ABLIM2: variants seen among roughly 807,000 people sequenced by gnomAD.
ABLIM2 encodes the protein actin-binding LIM protein 2.
In ABLIM2, 53 loss-of-function variants were observed where a neutral mutation model predicts 97.7. The observed-to-expected ratio is 0.54, with a 90% CI of 0.44 to 0.68. The LOEUF (loss-of-function observed/expected upper bound fraction) is 0.68, where lower values mean the gene tolerates loss of function less well. Among genes scored for constraint, ABLIM2 ranks in the 30% least tolerant of loss-of-function variants. ABLIM2 has a pLI of 0.00. For missense variants in ABLIM2, 835 were observed against 867.2 expected (o/e 0.96, Z 0.47); for synonymous variants, 361 against 345.8 (o/e 1.04, Z -0.49).
chr4:7,988,927 CATAAACATTTTA>C (rs1294452871), intron 17 of ABLIM2, among the ~76,000 whole-genome samples: 1 of 152,136 alleles, frequency 6.6e-6, no homozygotes, highest in African/African-American at 2.4e-5. Flanking sequence ...TAGTCACATG[CATAAACATTTTA>C]ATAAATATTT....
rs868864728 is a variant in ABLIM2, at chr4:8,132,397, C to T, written c.11-25760G>A. On this transcript the variant is annotated intron_variant, in intron 1 of 20. Coordinates refer to ENST00000447017, the MANE Select transcript of ABLIM2 (RefSeq NM_001130083.2). This position sits in a 1 kb window ranked among gnomAD's most constrained non-coding sequence, Gnocchi z 8.0. ...GAGAGATTTTCACTGAGACTTAAAG[C>T]GAGGAAGACACCAGTGCTTTTTCAG... is the stretch of plus-strand genomic sequence containing the variant. Among the ~76,000 whole-genome samples, 8 of 152,130 alleles carry T rather than the reference C, an allele frequency of 5.3e-5. No individual in the cohort carries two copies. The highest frequency in any genetic ancestry group is 2.1e-4 in the South Asian group (1 of 4,828).
At position 8,045,082 on chromosome 4, in the gene ABLIM2, G is replaced by T. The variant is rs555403352; in HGVS notation, c.900+82C>A. The T allele has an allele frequency of 2.3e-5, 28 of 1,233,630 alleles. No homozygotes were observed. In the African/African-American group the frequency reaches 3.6e-4, roughly 16 times the overall value. The allele number at this position is 1,233,630 out of a possible 1,614,324, so 76.4% of individuals were successfully genotyped here. ...GATAGTTCTCGGAAAACTCTCTTAG[G>T]GGTGGGCTTAGCCACGGCCACCGGG... On this transcript the variant is annotated intron_variant, in intron 9 of 20. Coordinates refer to ENST00000447017, the MANE Select transcript of ABLIM2 (RefSeq NM_001130083.2).
chr4:8,142,248 C>G (rs141395946), intron 1 of ABLIM2, among the ~76,000 whole-genome samples: 537 of 152,300 alleles, frequency 3.5e-3, no homozygotes, highest in African/African-American at 0.012. Context: ...GTCTCTATGG[C>G]ACTGACCCCC....
chr4:8,045,324 G>T, intron 8 of ABLIM2, 83 bp from the exon 9 acceptor site: 1 of 1,250,290 alleles, frequency 8.0e-7, no homozygotes, highest in Non-Finnish European at 1.2e-6. Context: ...TTCCACTCCA[G>T]CAGCCACGCC....
rs1726902239 is a variant in ABLIM2, at chr4:7,970,475, T to G, written c.1825-3372A>C. ...AGGTCTTTGCTGGAGGAGGGAGGAG[T>G]GGAGAGGGAGCGGATGGTGGGCAGG... On this transcript the variant is annotated intron_variant, in intron 20 of 20. Coordinates refer to ENST00000447017, the MANE Select transcript of ABLIM2 (RefSeq NM_001130083.2). This position sits in a 1 kb window ranked among gnomAD's most constrained non-coding sequence, Gnocchi z 5.3. Among the ~76,000 whole-genome samples the G allele has an allele frequency of 6.8e-6, 1 of 147,956 alleles. No homozygotes were observed. Among genetic ancestry groups the G allele is most frequent in the Admixed American group, 6.8e-5 (1 of 14,770 alleles).
rs1432272032 is a variant in ABLIM2, at chr4:8,068,970, C to T, written c.676-7916G>A. Among the ~76,000 whole-genome samples the T allele has an allele frequency of 6.6e-6, 1 of 152,252 alleles. No individual in the cohort carries two copies. The highest frequency in any genetic ancestry group is 2.4e-5 in the African/African-American group (1 of 41,474). On this transcript the variant is annotated intron_variant, in intron 6 of 20. Transcript: ENST00000447017. This position sits in a 1 kb window ranked among gnomAD's most constrained non-coding sequence, Gnocchi z 4.5. ...GGCCAGGACAGAATCCCCAGAATCC[C>T]CAGGGGCCACTGCATCCCAGAAAGA...
intron 1 of ABLIM2, among the ~76,000 whole-genome samples, chr4:8,121,303 G>A (rs908285137): frequency 1.3e-5 from 2 of 152,234 alleles, no homozygotes; most frequent in African/African-American, 2.4e-5. Context: ...AGCCACCCCC[G>A]CTCAGGCTGG....
intron 1 of ABLIM2, among the ~76,000 whole-genome samples, chr4:8,151,532 G>A (rs893239507): frequency 2.0e-5 from 3 of 152,194 alleles, no homozygotes; most frequent in African/African-American, 7.2e-5. Flanking sequence ...CCCAAGTACT[G>A]CTCACCCAGC....
intron 8 of ABLIM2, among the ~76,000 whole-genome samples, chr4:8,049,113 C>A (rs1209406173): frequency 4.6e-5 from 7 of 152,236 alleles, no homozygotes; most frequent in Non-Finnish European, 1.0e-4. Flanking sequence ...CTCTGAGCAT[C>A]CTGCACATCG....
chr4:8,152,552 T>G (rs563275603), intron 1 of ABLIM2, among the ~76,000 whole-genome samples: 3 of 152,202 alleles, frequency 2.0e-5, no homozygotes, highest in Non-Finnish European at 4.4e-5. Context: ...TGAGCAGCCC[T>G]GGCGATGGAA....
Position 8,008,148 on chromosome 4 carries a change from G to T in ABLIM2, c.1529C>A (p.Ser510Tyr), listed in dbSNP as rs372474097. 3.8e-5 allele frequency: 61 copies of T among 1,613,936 alleles called. No homozygotes were observed. The highest frequency in any genetic ancestry group is 1.1e-5 in the South Asian group (1 of 91,088). The change falls in exon 16 of 21, where the codon TCT (serine) becomes TAT (tyrosine). Residue 510 changes from serine (S) to tyrosine (Y), a missense_variant. Physicochemically the swap from Ser to Tyr is moderately radical, Grantham distance 144. Transcript: ENST00000447017. Reference sequence around the variant, plus strand: ...CAAGGACTGGGTGTCCAGGTCTGGAGAATTGGTCCTTGTGTCTGCATCCCC... The same window carrying T: ...CAAGGACTGGGTGTCCAGGTCTGGATAATTGGTCCTTGTGTCTGCATCCCC... Reference protein sequence around the residue: ...LKGDADTRTNSPDLDTQSLSH... With the variant: ...LKGDADTRTNYPDLDTQSLSH...
intron 8 of ABLIM2, among the ~76,000 whole-genome samples, chr4:8,048,337 C>T (rs978038675): frequency 6.6e-6 from 1 of 152,204 alleles, no homozygotes; most frequent in Non-Finnish European, 1.5e-5. Flanking sequence ...TTCAGACCCA[C>T]AGAAATGGAA....
At chr4:8,154,240 G>A (rs1330636363) in intron 1 of ABLIM2, among the ~76,000 whole-genome samples, 41 of 149,184 alleles carry the variant, frequency 2.7e-4, no homozygotes, top group Admixed American at 1.3e-3. Flanking sequence ...GGGATTACAG[G>A]CGTGAGCCAC....
At position 8,095,224 on chromosome 4, in the gene ABLIM2, C is replaced by T. The variant is rs1456773798; in HGVS notation, c.338+1875G>A. 6.6e-6 allele frequency among the ~76,000 whole-genome samples: 1 copy of T among 152,032 alleles called. No homozygotes were observed. Among genetic ancestry groups the T allele is most frequent in the Non-Finnish European group, 1.5e-5 (1 of 68,028 alleles). On this transcript the variant is annotated intron_variant, in intron 3 of 20. Coordinates refer to ENST00000447017, the MANE Select transcript of ABLIM2 (RefSeq NM_001130083.2). This position sits in a 1 kb window ranked among gnomAD's most constrained non-coding sequence, Gnocchi z 4.7. ...GCCCAAGCAATCCTCCCATCTCAGC[C>T]TCTCACATAGCTGGGACTACAGGCA...
At chr4:7,977,798 A>AAATAAATGAATAAATAAATG (rs145285874) in intron 20 of ABLIM2, among the ~76,000 whole-genome samples, 1 of 150,374 alleles carries the variant, frequency 6.7e-6, no homozygotes, top group Admixed American at 6.6e-5. Flanking sequence ...CTCAATAAAT[A>AAATAAATGAATAAATAAATG]AATAAATAAA....
rs1437859078 is a variant in ABLIM2, at chr4:8,122,884, G to A, written c.11-16247C>T. 5.9e-5 allele frequency among the ~76,000 whole-genome samples: 9 copies of A among 152,266 alleles called. No individual in the cohort carries two copies. The highest frequency in any genetic ancestry group is 2.6e-4 in the Admixed American group (4 of 15,298). ...GGCCTTTTCCACCATGCCCCACCGC[G>A]TGGATGAGGGGATGGGAGAGGGAGA... is the stretch of plus-strand genomic sequence containing the variant. On this transcript the variant is annotated intron_variant, in intron 1 of 20. Transcript: ENST00000447017. The surrounding 1 kb of genome is among the most constrained non-coding windows in gnomAD (Gnocchi z 4.1).
At position 7,992,616 on chromosome 4, in the gene ABLIM2, C is replaced by T. The variant is rs1391832064; in HGVS notation, c.1680+250G>A. Among the ~76,000 whole-genome samples, 2 of 152,300 alleles carry T rather than the reference C, an allele frequency of 1.3e-5. No homozygotes were observed. Among genetic ancestry groups the T allele is most frequent in the East Asian group, 3.9e-4 (2 of 5,156 alleles). Reference sequence around the variant, plus strand: ...CCCTTGTCTCCCCTGCTCCCACACACTGAGCTCTCCCTGGGGTCGGGGGCA... The same window carrying T: ...CCCTTGTCTCCCCTGCTCCCACACATTGAGCTCTCCCTGGGGTCGGGGGCA... On this transcript the variant is annotated intron_variant, in intron 17 of 20. Transcript: ENST00000447017. The surrounding 1 kb of genome is among the most constrained non-coding windows in gnomAD (Gnocchi z 5.7).
chr4:8,109,823 G>A (rs62289387), intron 1 of ABLIM2, among the ~76,000 whole-genome samples: 23,553 of 152,200 alleles, frequency 0.15, 2,323 homozygotes, highest in Non-Finnish European at 0.22. Flanking sequence ...CAAACTGGAC[G>A]GGGCACAGCC....
At position 8,140,294 on chromosome 4, in the gene ABLIM2, A is replaced by C. The variant is rs74285614; in HGVS notation, c.10+18386T>G. ...AAGAAAAAAATACAAAACAAAAGCA[A>C]TGCTCCCCATCTGGTGAAGGAAACA... On this transcript the variant is annotated intron_variant, in intron 1 of 20. Transcript: ENST00000447017. The surrounding 1 kb of genome is among the most constrained non-coding windows in gnomAD (Gnocchi z 5.9). 1.3e-5 allele frequency among the ~76,000 whole-genome samples: 2 copies of C among 152,256 alleles called. No individual in the cohort carries two copies. Among genetic ancestry groups the C allele is most frequent in the East Asian group, 3.9e-4 (2 of 5,178 alleles).
Sources: allele counts gnomAD v4.1 joint callset (sites outside exome capture counted in the v4.1 genomes callset), GRCh38; gene constraint gnomAD v4.1.1; non-coding constraint Gnocchi (gnomAD v3.1); transcripts MANE v1.5; gene names NCBI Gene and HGNC (gene_info 2026-07-23, HGNC 2026-07-21).